Variants in HIRA observed in about 807,000 individuals in gnomAD.
HIRA encodes protein HIRA.
Under a neutral mutation model 126.6 loss-of-function variants are expected in HIRA, and 13 were observed. The observed-to-expected ratio is 0.10, with a 90% CI of 0.07 to 0.16. The LOEUF is 0.16. Among genes scored for constraint, HIRA ranks in the 10% least tolerant of loss-of-function variants. The pLI is 1.00. For synonymous variants in HIRA, 511 were observed against 520.0 expected, an observed-to-expected ratio of 0.98 and a Z score of 0.24; for missense variants, 834 against 1,314.4, an observed-to-expected ratio of 0.63 and a Z score of 5.65.
At chr22:19,353,189 C>G (rs2088775623) in intron 23 of HIRA, among the ~76,000 whole-genome samples, 167 bp downstream of exon 23, 2 of 152,176 alleles carry the variant, frequency 1.3e-5, no homozygotes, top group Admixed American at 1.3e-4. Flanking sequence ...GCCTCAGAGC[C>G]TATAAGGGGC....
At chr22:19,361,369 CT>C in intron 16 of HIRA, 28 bp from the exon 17 acceptor site, 1 of 1,583,486 alleles carries the variant, frequency 6.3e-7, no homozygotes, top group Non-Finnish European at 8.7e-7. Flanking sequence ...GTTCCTGAGC[CT>C]TGCTCTAACA....
At chr22:19,403,619 T>G (rs1217735412) in intron 5 of HIRA, among the ~76,000 whole-genome samples, 1 of 152,112 alleles carries the variant, frequency 6.6e-6, no homozygotes, top group African/African-American at 2.4e-5. Context: ...CTCAAGTAAA[T>G]AAATAAATAA....
At chr22:19,371,450 T>G (rs1404465565) in intron 15 of HIRA, among the ~76,000 whole-genome samples, 1 of 152,208 alleles carries the variant, frequency 6.6e-6, no homozygotes, top group Non-Finnish European at 1.5e-5. Flanking sequence ...TTTTTTTTGA[T>G]AGTGTATTAT....
chr22:19,349,227 C>T (rs568031683), intron 24 of HIRA, among the ~76,000 whole-genome samples: 5 of 152,204 alleles, frequency 3.3e-5, no homozygotes, highest in African/African-American at 1.2e-4. Flanking sequence ...GCCTCAGCCT[C>T]CCCAGTAGCT....
In HIRA at chr22:19,354,135, A is replaced by G. The variant is rs1556011797; in HGVS notation, c.2562-17T>C. 3.1e-6 allele frequency: 5 copies of G among 1,610,790 alleles called. No homozygotes were observed. Among genetic ancestry groups the G allele is most frequent in the Non-Finnish European group, 4.2e-6 (5 of 1,178,314 alleles). ...ACCAGGTTCCTGGGGAGGCAAAGGC[A>G]GGAGCAGAGCTCAGGAAAACCAAGA... On this transcript the variant is annotated splice_polypyrimidine_tract_variant and intron_variant, in intron 21 of 24. Coordinates refer to ENST00000263208, the MANE Select transcript of HIRA (RefSeq NM_003325.4).
intron 24 of HIRA, among the ~76,000 whole-genome samples, chr22:19,348,508 T>C (rs574636725): frequency 1.1e-4 from 17 of 152,128 alleles, no homozygotes; most frequent in Non-Finnish European, 2.2e-4. Flanking sequence ...TGATTTTTTT[T>C]TTTTTGAGAC....
At chr22:19,345,794 G>A (rs573505426) in intron 24 of HIRA, among the ~76,000 whole-genome samples, 14 of 152,314 alleles carry the variant, frequency 9.2e-5, no homozygotes, top group African/African-American at 3.4e-4. Context: ...TGGGGAGGCT[G>A]GAGCCAGAAC....
chr22:19,386,517 G>A (rs1187053448), intron 11 of HIRA, among the ~76,000 whole-genome samples: 1 of 152,264 alleles, frequency 6.6e-6, no homozygotes, highest in Admixed American at 6.5e-5. Context: ...GAGAGGCAGC[G>A]TTCCAAGAGA....
chr22:19,358,021 A>G (rs1352614295), intron 18 of HIRA, among the ~76,000 whole-genome samples: 2 of 152,160 alleles, frequency 1.3e-5, no homozygotes, highest in African/African-American at 4.8e-5. Context: ...TTTTTCTGAG[A>G]CAGAGTCTCG....
Position 19,377,907 on chromosome 22 carries a change from G to A in HIRA, c.1575C>T (p.Ala525=). 5.6e-6 allele frequency: 9 copies of A among 1,613,310 alleles called. No individual in the cohort carries two copies. Among genetic ancestry groups the A allele is most frequent in the Non-Finnish European group, 7.6e-6 (9 of 1,179,650 alleles). Residue 525 remains alanine (A), a synonymous_variant, in exon 14 of 25, where the codon GCC becomes GCT. Coordinates refer to ENST00000263208, the MANE Select transcript of HIRA (RefSeq NM_003325.4). ...SKPCTEPVVA[A]SARPAGDSVN... ...CAGAATCGCCTGCAGGTCTGGCACT[G>A]GCAGCCACCACAGGCTCTGTGCAAG...
chr22:19,356,721 C>T (rs1238668592), intron 19 of HIRA, among the ~76,000 whole-genome samples, 169 bp downstream of exon 19: 1 of 152,228 alleles, frequency 6.6e-6, no homozygotes, highest in African/African-American at 2.4e-5. Flanking sequence ...CAGCCCTCAG[C>T]CTACCCAGGG....
intron 9 of HIRA, 38 bp downstream of exon 9, chr22:19,392,063 T>C (rs1405745319): frequency 2.4e-6 from 3 of 1,261,652 alleles, no homozygotes; most frequent in Non-Finnish European, 3.4e-6. Context: ...AACCTACACC[T>C]CCCGTCCTGC....
chr22:19,362,037 TTC>T lies in HIRA; in HGVS notation c.1776-108_1776-107del. On this transcript the variant is annotated intron_variant, in intron 15 of 24. Coordinates refer to ENST00000263208, the MANE Select transcript of HIRA (RefSeq NM_003325.4). ...AAACAAACCTCTTGCCAACCTAGAA[TTC>T]TGTGTCCAGTGAAATTATGCCTCAA... 7 of 1,052,332 alleles carry T rather than the reference TTC, an allele frequency of 6.7e-6. No homozygotes were observed. The South Asian group carries it at 1.1e-4, about 16-fold the overall frequency. 65.2% of individuals were successfully genotyped at this position (1,052,332 alleles called of 1,614,324 possible).
intron 12 of HIRA, among the ~76,000 whole-genome samples, chr22:19,384,945 C>A (rs1405797274): frequency 6.6e-6 from 1 of 152,010 alleles, no homozygotes; most frequent in South Asian, 2.1e-4. Flanking sequence ...TGAGCCACTG[C>A]GCCTGGCCTG....
At chr22:19,429,168 T>C (rs5993639) in intron 1 of HIRA, among the ~76,000 whole-genome samples, 19,186 of 119,796 alleles carry the variant, frequency 0.16, 3,149 homozygotes, top group African/African-American at 0.43. Context: ...TGAGATGGAG[T>C]CTCACTGTCA....
chr22:19,412,456 T>C (rs1488736950), intron 1 of HIRA, among the ~76,000 whole-genome samples: 1 of 152,268 alleles, frequency 6.6e-6, no homozygotes, highest in African/African-American at 2.4e-5. Flanking sequence ...ATATAAGAGA[T>C]AAACCAAAAT....
chr22:19,361,452 C>T, intron 16 of HIRA, 111 bp from the exon 17 acceptor site: 1 of 922,112 alleles, frequency 1.1e-6, no homozygotes, highest in Non-Finnish European at 1.7e-6. Flanking sequence ...GCATTTCCAC[C>T]CTGGGAGGGA....
At chr22:19,388,360 C>A in intron 10 of HIRA, 124 bp downstream of exon 10, 1 of 706,692 alleles carries the variant, frequency 1.4e-6, no homozygotes. Context: ...TCTTGGTCTG[C>A]GCTACTATGA....
At chr22:19,335,089 T>C (rs1477173749) in intron 24 of HIRA, among the ~76,000 whole-genome samples, 1 of 152,214 alleles carries the variant, frequency 6.6e-6, no homozygotes, top group African/African-American at 2.4e-5. Flanking sequence ...TCAAGTATTA[T>C]ATCACTTTGC....
Sources: allele counts gnomAD v4.1 joint callset (sites outside exome capture counted in the v4.1 genomes callset), GRCh38; gene constraint gnomAD v4.1.1; transcripts MANE v1.5; gene names NCBI Gene and HGNC (gene_info 2026-07-23, HGNC 2026-07-21).